The following TIAM1 variants were observed in gnomAD, a reference collection of about 807,000 sequenced individuals.
TIAM1 encodes rho guanine nucleotide exchange factor TIAM1.
Under a neutral mutation model 163.5 loss-of-function variants are expected in TIAM1, and 65 were observed. The ratio of observed to expected loss-of-function variants is 0.40; its 90% confidence interval spans 0.33 to 0.49. TIAM1 has a LOEUF of 0.49. Ranked by LOEUF, TIAM1 falls within the 20% of genes least tolerant of loss-of-function variation. TIAM1 has a pLI of 0.77. For synonymous variants in TIAM1, 833 were observed against 810.1 expected (o/e 1.03, Z -0.48); for missense variants, 1,789 against 2,044.7 (o/e 0.87, Z 2.41).
chr21:31,134,464 C>A (rs908819394), intron 23 of TIAM1, among the ~76,000 whole-genome samples: 3 of 152,142 alleles, frequency 2.0e-5, no homozygotes. Context: ...CCCCAATATT[C>A]CTTTGAATGG....
chr21:31,500,204 T>C (rs1203014728), intron 1 of TIAM1, among the ~76,000 whole-genome samples: 1 of 151,966 alleles, frequency 6.6e-6, no homozygotes, highest in East Asian at 1.9e-4. Context: ...AGAGGAGTGG[T>C]AGCAAAGGAG....
At chr21:31,164,842 A>G in intron 16 of TIAM1, 120 bp downstream of exon 16, 1 of 967,482 alleles carries the variant, frequency 1.0e-6, no homozygotes. Context: ...AACATCTCAG[A>G]AGCAAAAACA....
intron 1 of TIAM1, among the ~76,000 whole-genome samples, chr21:31,467,656 A>T (rs959189725): frequency 1.3e-5 from 2 of 151,172 alleles, no homozygotes; most frequent in African/African-American, 4.9e-5. Context: ...AATAAAAATA[A>T]AATAAATAAA....
chr21:31,439,176 G>C (rs999499737), intron 2 of TIAM1, among the ~76,000 whole-genome samples: 1 of 152,188 alleles, frequency 6.6e-6, no homozygotes, highest in Non-Finnish European at 1.5e-5. Flanking sequence ...GGAACAGGGG[G>C]TAGCCACAGT....
chr21:31,516,315 G>A (rs2047380671), intron 1 of TIAM1, among the ~76,000 whole-genome samples: 1 of 152,148 alleles, frequency 6.6e-6, no homozygotes, highest in African/African-American at 2.4e-5. Flanking sequence ...GTGAGGCTGA[G>A]GCAGGAGAAT....
chr21:31,364,285 A>G (rs1203366310), intron 2 of TIAM1, among the ~76,000 whole-genome samples: 3 of 152,214 alleles, frequency 2.0e-5, no homozygotes, highest in East Asian at 3.8e-4. Flanking sequence ...AGGTGGAGTA[A>G]ACTTGTTAAC....
chr21:31,411,779 A>G (rs62223378), intron 2 of TIAM1, among the ~76,000 whole-genome samples: 2,568 of 152,190 alleles, frequency 0.017, 40 homozygotes, highest in Non-Finnish European at 0.026. Context: ...CCCAGCCCCA[A>G]TAAATGTTAT....
chr21:31,124,297 A>AAGGCTTG (rs2082103707), intron 27 of TIAM1: 5 of 453,786 alleles, frequency 1.1e-5, no homozygotes, highest in Non-Finnish European at 1.5e-5. Context: ...AGGCAAAGGG[A>AAGGCTTG]AGGCTTGAGG....
intron 20 of TIAM1, among the ~76,000 whole-genome samples, chr21:31,142,463 C>CAAAAAAA (rs34368848): frequency 7.6e-4 from 38 of 49,908 alleles, no homozygotes; most frequent in Non-Finnish European, 1.1e-3. Flanking sequence ...ACTAAAAATA[C>CAAAAAAA]AAAAAAAAAA....
rs1215751004 is a variant in TIAM1 at position 31,295,469 on chromosome 21, C to CAAAAA, written c.-188-18566_-188-18562dup. On this transcript the variant is annotated intron_variant, in intron 2 of 27. Coordinates refer to ENST00000541036, the MANE Select transcript of TIAM1 (RefSeq NM_001353694.2). ...TGGGTGACAGAGTGAGACTCCATCACAAAAAAAAAAAAAAAAAAAAGGTCT... is the reference window on the plus strand; with the variant it reads ...TGGGTGACAGAGTGAGACTCCATCACAAAAAAAAAAAAAAAAAAAAAAAAAGGTCT... Among the ~76,000 whole-genome samples, 210 of 65,844 alleles carry CAAAAA rather than the reference C, an allele frequency of 3.2e-3. 5 individuals carry two copies. Among genetic ancestry groups the CAAAAA allele is most frequent in the Middle Eastern group, 0.022 (2 of 90 alleles). The allele number at this position is 65,844 out of a possible 152,430, so 43.2% of individuals were successfully genotyped here.
At chr21:31,454,233 A>C (rs1351086921) in intron 2 of TIAM1, among the ~76,000 whole-genome samples, 1 of 152,238 alleles carries the variant, frequency 6.6e-6, no homozygotes, top group African/African-American at 2.4e-5. Context: ...CCAAGATTTC[A>C]GAACAATACA....
At chr21:31,147,415 C>T (rs1297686793) in intron 19 of TIAM1, among the ~76,000 whole-genome samples, 1 of 151,910 alleles carries the variant, frequency 6.6e-6, no homozygotes, top group Admixed American at 6.6e-5. Context: ...AAGCAGAAAA[C>T]ATGTTCCTCT....
intron 1 of TIAM1, among the ~76,000 whole-genome samples, chr21:31,470,257 A>G (rs377746142): frequency 6.6e-6 from 1 of 151,918 alleles, no homozygotes; most frequent in Admixed American, 6.6e-5. Context: ...TGCCCACCTC[A>G]GCCTCCCATA....
At chr21:31,321,161 C>T (rs929098089) in intron 2 of TIAM1, among the ~76,000 whole-genome samples, 11 of 151,924 alleles carry the variant, frequency 7.2e-5, no homozygotes, top group African/African-American at 1.2e-4. Flanking sequence ...GGGGGATGAC[C>T]TGAGAGTTAT....
intron 16 of TIAM1, among the ~76,000 whole-genome samples, chr21:31,157,865 T>C (rs1367696922): frequency 6.6e-6 from 1 of 152,172 alleles, no homozygotes; most frequent in African/African-American, 2.4e-5. Flanking sequence ...GCACACCTTT[T>C]ATCATTTAGG....
At chr21:31,432,798 G>A (rs1402468121) in intron 2 of TIAM1, among the ~76,000 whole-genome samples, 1 of 152,136 alleles carries the variant, frequency 6.6e-6, no homozygotes, top group Non-Finnish European at 1.5e-5. Flanking sequence ...AATAATTTGG[G>A]GCCAGACTGT....
chr21:31,244,376 C>T (rs996432077), intron 6 of TIAM1, among the ~76,000 whole-genome samples: 2 of 152,146 alleles, frequency 1.3e-5, no homozygotes, highest in African/African-American at 4.8e-5. Flanking sequence ...GGCTTTACCA[C>T]ATTATAAAGA....
At chr21:31,148,232 C>CTCAAA (rs2083225598) in intron 19 of TIAM1, among the ~76,000 whole-genome samples, 1 of 152,008 alleles carries the variant, frequency 6.6e-6, no homozygotes, top group Admixed American at 6.6e-5. Flanking sequence ...TGTGTCCTCA[C>CTCAAA]TCAAATCTCA....
At chr21:31,197,083 C>T (rs528034948) in intron 12 of TIAM1, among the ~76,000 whole-genome samples, 3 of 152,148 alleles carry the variant, frequency 2.0e-5, no homozygotes, top group Non-Finnish European at 4.4e-5. Context: ...CTGGGGACTA[C>T]CAGAGGGGGA....
Sources: allele counts gnomAD v4.1 joint callset (sites outside exome capture counted in the v4.1 genomes callset), GRCh38; gene constraint gnomAD v4.1.1; transcripts MANE v1.5; gene names NCBI Gene and HGNC (gene_info 2026-07-23, HGNC 2026-07-21).